The following PNPLA8 variants were observed in gnomAD, a reference collection of about 807,000 sequenced individuals.
PNPLA8 encodes calcium-independent phospholipase A2-gamma.
In PNPLA8, 39 loss-of-function variants were observed where a neutral mutation model predicts 76.9. That is an observed-to-expected ratio of 0.51 (90% CI 0.39 to 0.66). PNPLA8 has a LOEUF of 0.66. Ranked by LOEUF, PNPLA8 falls within the 30% of genes least tolerant of loss-of-function variation. PNPLA8 has a pLI of 0.00. For synonymous variants in PNPLA8, 301 were observed against 307.9 expected (o/e 0.98, Z 0.24); for missense variants, 887 against 918.0 (o/e 0.97, Z 0.44).
At chr7:108,487,423 T>A (rs1860812722) in intron 9 of PNPLA8, among the ~76,000 whole-genome samples, 1 of 152,206 alleles carries the variant, frequency 6.6e-6, no homozygotes, top group Admixed American at 6.5e-5. Flanking sequence ...CAGACTGGGT[T>A]CTGCATTTTC....
At position 108,514,611 on chromosome 7, in the gene PNPLA8, G is replaced by A. The variant is rs1469683208; in HGVS notation, c.881C>T (p.Pro294Leu). The change falls in exon 3 of 11, where the codon CCC becomes CTC. Residue 294 changes from proline (P) to leucine (L), a missense_variant. By Grantham distance (98) the Pro-to-Leu change is moderately conservative. Transcript: ENST00000257694. ...KQSIANFLSR[P>L]TEGVQALVGG... Reference sequence around the variant, plus strand: ...TACTAAAGCTTGTACACCTTCCGTGGGACGAGAAAGAAAGTTAGCAATACT... The same window carrying A: ...TACTAAAGCTTGTACACCTTCCGTGAGACGAGAAAGAAAGTTAGCAATACT... 2 of 1,613,840 alleles carry A rather than the reference G, an allele frequency of 1.2e-6. No homozygotes were observed. The highest frequency in any genetic ancestry group is 8.5e-7 in the Non-Finnish European group (1 of 1,179,956).
At chr7:108,490,737 T>C (rs1277517559) in intron 8 of PNPLA8, among the ~76,000 whole-genome samples, 1 of 151,710 alleles carries the variant, frequency 6.6e-6, no homozygotes, top group Non-Finnish European at 1.5e-5. Flanking sequence ...TGAGCCGAGA[T>C]TGTGCCACTG....
chr7:108,519,526 C>T (rs1220273333), intron 2 of PNPLA8, among the ~76,000 whole-genome samples: 1 of 152,156 alleles, frequency 6.6e-6, no homozygotes, highest in East Asian at 1.9e-4. Context: ...AACTGAGAAC[C>T]TATTCCAATT....
At chr7:108,472,755 A>G in intron 10 of PNPLA8, 80 bp from the exon 11 acceptor site, 1 of 1,006,084 alleles carries the variant, frequency 9.9e-7, no homozygotes, top group Non-Finnish European at 1.4e-6. Flanking sequence ...ATTTGTCTTT[A>G]TTTAAAATTA....
At chr7:108,486,034 A>C (rs1860713500) in intron 9 of PNPLA8, among the ~76,000 whole-genome samples, 2 of 152,108 alleles carry the variant, frequency 1.3e-5, no homozygotes, top group Non-Finnish European at 2.9e-5. Flanking sequence ...CAATATAAAA[A>C]TGTCTAAGCG....
chr7:108,510,717 A>G (rs1459543882), intron 4 of PNPLA8: 22 of 1,600,500 alleles, frequency 1.4e-5, no homozygotes, highest in Admixed American at 5.0e-5. Flanking sequence ...GGCAAAATCA[A>G]TAAGAAGCGA....
chr7:108,493,568 CTTTTT>C (rs34935118), intron 7 of PNPLA8, among the ~76,000 whole-genome samples: 7 of 81,210 alleles, frequency 8.6e-5, no homozygotes, highest in African/African-American at 2.9e-4. Flanking sequence ...CCATGCCTGG[CTTTTT>C]TTTTTTTTTT....
intron 10 of PNPLA8, among the ~76,000 whole-genome samples, chr7:108,473,756 T>C (rs1310618581): frequency 6.6e-6 from 1 of 152,192 alleles, no homozygotes; most frequent in Non-Finnish European, 1.5e-5. Flanking sequence ...CCTATATATA[T>C]GACAGTGGTG....
At chr7:108,508,829 T>G (rs1862655763) in intron 4 of PNPLA8, among the ~76,000 whole-genome samples, 1 of 148,188 alleles carries the variant, frequency 6.7e-6, no homozygotes, top group Non-Finnish European at 1.5e-5. Flanking sequence ...AAAACAGAGA[T>G]ATAGATCAAT....
intron 9 of PNPLA8, 117 bp from the exon 10 acceptor site, chr7:108,479,496 T>G (rs763276874): frequency 7.2e-6 from 5 of 691,096 alleles, no homozygotes; most frequent in Non-Finnish European, 1.2e-5. Context: ...AGTGCATTTC[T>G]TTTATAGACT....
intron 1 of PNPLA8, among the ~76,000 whole-genome samples, chr7:108,524,696 G>C (rs1218483046): frequency 1.3e-5 from 2 of 152,234 alleles, no homozygotes; most frequent in African/African-American, 2.4e-5. Context: ...GCGCACGCCT[G>C]TAAATCCCAG....
rs188370456 is a variant in PNPLA8 at position 108,516,565 on chromosome 7, A to C, written c.-83-991T>G. 5.9e-5 allele frequency among the ~76,000 whole-genome samples: 9 copies of C among 152,350 alleles called. No homozygotes were observed. The East Asian group carries it at 1.7e-3, about 29-fold the overall frequency. On this transcript the variant is annotated intron_variant, in intron 2 of 10. Transcript: ENST00000257694. Reference sequence around the variant, plus strand: ...ATGACTTTGAGACAATATCAAATGCACAATACACAAAAGAAAAAATTGGTA... The same window carrying C: ...ATGACTTTGAGACAATATCAAATGCCCAATACACAAAAGAAAAAATTGGTA...
chr7:108,496,936 G>C (rs1186231110), intron 6 of PNPLA8, among the ~76,000 whole-genome samples, 181 bp from the exon 7 acceptor site: 1 of 151,916 alleles, frequency 6.6e-6, no homozygotes, highest in Non-Finnish European at 1.5e-5. Context: ...GGAGTAATAA[G>C]AACAACCAAA....
chr7:108,508,831 T>C (rs1427303753), intron 4 of PNPLA8, among the ~76,000 whole-genome samples: 8 of 148,104 alleles, frequency 5.4e-5, no homozygotes, highest in East Asian at 2.0e-4. Flanking sequence ...AACAGAGATA[T>C]AGATCAATGG....
intron 5 of PNPLA8, among the ~76,000 whole-genome samples, chr7:108,499,247 GT>G (rs1332185714): frequency 6.6e-6 from 1 of 152,132 alleles, no homozygotes; most frequent in Non-Finnish European, 1.5e-5. Context: ...GTGAGCTATG[GT>G]TTTGGGGTTT....
At chr7:108,487,105 G>T (rs1366425471) in intron 9 of PNPLA8, among the ~76,000 whole-genome samples, 1 of 152,056 alleles carries the variant, frequency 6.6e-6, no homozygotes, top group Non-Finnish European at 1.5e-5. Context: ...TACATAAAAA[G>T]AATTTCCAGA....
At chr7:108,493,037 C>T (rs1861297370) in intron 7 of PNPLA8, among the ~76,000 whole-genome samples, 1 of 152,178 alleles carries the variant, frequency 6.6e-6, no homozygotes, top group Non-Finnish European at 1.5e-5. Context: ...ATTGGTAGAG[C>T]CACCAAGTGA....
intron 8 of PNPLA8, among the ~76,000 whole-genome samples, chr7:108,488,166 T>C (rs1256836776): frequency 6.6e-6 from 1 of 152,200 alleles, no homozygotes; most frequent in Admixed American, 6.5e-5. Flanking sequence ...AAATTTATTA[T>C]GAGAATAATA....
intron 4 of PNPLA8, among the ~76,000 whole-genome samples, chr7:108,509,791 T>A (rs1862755852): frequency 1.4e-5 from 2 of 146,130 alleles, no homozygotes. Context: ...TGTCCAACAA[T>A]GATAGACTGG....
Sources: allele counts gnomAD v4.1 joint callset (sites outside exome capture counted in the v4.1 genomes callset), GRCh38; gene constraint gnomAD v4.1.1; transcripts MANE v1.5; gene names NCBI Gene and HGNC (gene_info 2026-07-23, HGNC 2026-07-21).